Variants in ZNF804B observed in about 807,000 individuals in gnomAD.
ZNF804B encodes zinc finger protein 804B.
ZNF804B carries 80 observed loss-of-function variants against 101.4 expected under a neutral mutation model. The observed-to-expected ratio is 0.79, with a 90% CI of 0.66 to 0.95. The LOEUF (loss-of-function observed/expected upper bound fraction) is 0.95. ZNF804B is among the 40% of genes least tolerant of loss of function. The pLI, the probability that ZNF804B is intolerant of heterozygous loss-of-function variation, is 0.00. For missense variants in ZNF804B, 1,673 were observed against 1,561.9 expected (o/e 1.07, Z -1.20); for synonymous variants, 622 against 558.8 (o/e 1.11, Z -1.59).
intron 1 of ZNF804B, among the ~76,000 whole-genome samples, chr7:88,792,293 G>T (rs968283656): frequency 6.6e-6 from 1 of 152,016 alleles, no homozygotes; most frequent in African/African-American, 2.4e-5. Flanking sequence ...TGGATATATT[G>T]CAGTAACCAT....
intron 1 of ZNF804B, among the ~76,000 whole-genome samples, chr7:88,980,546 T>C (rs1358497461): frequency 1.3e-5 from 2 of 152,146 alleles, no homozygotes; most frequent in Non-Finnish European, 2.9e-5. Context: ...AGACCAGTCA[T>C]GTTGTGACTC....
At chr7:88,846,110 A>T (rs928937449) in intron 1 of ZNF804B, among the ~76,000 whole-genome samples, 1 of 152,178 alleles carries the variant, frequency 6.6e-6, no homozygotes, top group Non-Finnish European at 1.5e-5. Flanking sequence ...TTGAAAATTT[A>T]ATTTATTTAC....
intron 1 of ZNF804B, among the ~76,000 whole-genome samples, chr7:88,858,012 A>G (rs1227765457): frequency 2.0e-5 from 3 of 151,518 alleles, no homozygotes; most frequent in Admixed American, 2.0e-4. Context: ...TAGTAGAGAC[A>G]GGGTTTTGCC....
intron 1 of ZNF804B, among the ~76,000 whole-genome samples, chr7:89,160,712 ATCT>A (rs966698943): frequency 5.3e-5 from 8 of 152,140 alleles, no homozygotes; most frequent in African/African-American, 1.9e-4. Flanking sequence ...GGTTGTTATT[ATCT>A]TCTTTATTAT....
In ZNF804B at chr7:89,285,050, T is replaced by A. The variant is rs6965769; in HGVS notation, c.250-42294T>A. On this transcript the variant is annotated intron_variant, in intron 2 of 3. Transcript: ENST00000333190. ...CCTGTCTCCACTAAATAAAAAAATTTAAATTTAAATTTAAAAAAAATAGCC... is the reference window on the plus strand; with the variant it reads ...CCTGTCTCCACTAAATAAAAAAATTAAAATTTAAATTTAAAAAAAATAGCC... Among the ~76,000 whole-genome samples, 309 of 151,816 alleles carry A rather than the reference T, an allele frequency of 2.0e-3. 1 individual carries two copies. Among genetic ancestry groups the A allele is most frequent in the Non-Finnish European group, 4.0e-3 (269 of 67,926 alleles).
chr7:89,327,315 T>G (rs768190107), intron 2 of ZNF804B, 29 bp from the exon 3 acceptor site: 4 of 1,563,818 alleles, frequency 2.6e-6, no homozygotes, highest in Admixed American at 2.1e-5. Flanking sequence ...TTATTTATAG[T>G]ACCTTTTTGG....
intron 2 of ZNF804B, among the ~76,000 whole-genome samples, chr7:89,311,963 A>G (rs1790654925): frequency 6.6e-6 from 1 of 152,160 alleles, no homozygotes; most frequent in Admixed American, 6.6e-5. Context: ...CTTGGCCACA[A>G]TAGCTAAAAG....
chr7:88,895,090 T>C (rs2115938806), intron 1 of ZNF804B, among the ~76,000 whole-genome samples: 1 of 152,368 alleles, frequency 6.6e-6, no homozygotes, highest in Admixed American at 6.5e-5. Context: ...TTTTTTATTT[T>C]GTTTTGCTTT....
chr7:89,169,771 A>G (rs888037381), intron 1 of ZNF804B, among the ~76,000 whole-genome samples: 1 of 152,240 alleles, frequency 6.6e-6, no homozygotes, highest in Admixed American at 6.5e-5. Flanking sequence ...AGAAGTAACA[A>G]GTATAACTGC....
chr7:89,277,085 T>G (rs1283966825), intron 2 of ZNF804B, among the ~76,000 whole-genome samples: 1 of 149,346 alleles, frequency 6.7e-6, no homozygotes, highest in Non-Finnish European at 1.5e-5. Flanking sequence ...CATTTTCAGT[T>G]TATTATGTAT....
intron 1 of ZNF804B, among the ~76,000 whole-genome samples, chr7:88,854,852 G>T (rs1431623514): frequency 6.7e-6 from 1 of 149,058 alleles, no homozygotes; most frequent in African/African-American, 2.5e-5. Flanking sequence ...AGAACACGTG[G>T]TGTTTGGTTT....
At chr7:89,028,156 A>G (rs546900426) in intron 1 of ZNF804B, among the ~76,000 whole-genome samples, 26 of 152,298 alleles carry the variant, frequency 1.7e-4, no homozygotes, top group African/African-American at 6.3e-4. Context: ...TATTTTTAAA[A>G]TGTCAATATA....
chr7:89,246,715 G>C (rs1789453099), intron 2 of ZNF804B, among the ~76,000 whole-genome samples: 2 of 152,116 alleles, frequency 1.3e-5, no homozygotes. Context: ...CAGACATTCT[G>C]AGCAACCACT....
intron 1 of ZNF804B, chr7:88,794,272 A>G (rs1790435364): frequency 1.2e-6 from 2 of 1,613,710 alleles, no homozygotes; most frequent in African/African-American, 1.3e-5. Flanking sequence ...TGCCGGGTCC[A>G]TGAATTCTTC....
intron 2 of ZNF804B, among the ~76,000 whole-genome samples, chr7:89,313,537 T>C (rs1220377292): frequency 6.6e-6 from 1 of 152,216 alleles, no homozygotes; most frequent in Non-Finnish European, 1.5e-5. Context: ...TCCTAACACA[T>C]AGAGACTTAC....
chr7:88,900,269 G>T (rs1013129105), intron 1 of ZNF804B, among the ~76,000 whole-genome samples: 7 of 151,760 alleles, frequency 4.6e-5, no homozygotes, highest in African/African-American at 1.7e-4. Flanking sequence ...TTGATTCTAG[G>T]ATTTTTAAAA....
rs1790876521 is a variant in ZNF804B at position 89,151,554 on chromosome 7, C to T, written c.109-66601C>T. On this transcript the variant is annotated intron_variant, in intron 1 of 3. Transcript: ENST00000333190. ...CCATGGATGTTGTCCATGATTATTG[C>T]CATTAAATTTCATCATTCATTATGT... is the stretch of plus-strand genomic sequence containing the variant. Among the ~76,000 whole-genome samples the T allele has an allele frequency of 2.0e-5, 3 of 151,894 alleles. No homozygotes were observed. In the South Asian group the frequency reaches 6.2e-4, roughly 32 times the overall value.
intron 1 of ZNF804B, among the ~76,000 whole-genome samples, chr7:88,801,610 CTACTCTTTGACTAAGT>C (rs1163007176): frequency 6.6e-6 from 1 of 152,028 alleles, no homozygotes; most frequent in Non-Finnish European, 1.5e-5. Flanking sequence ...GCTTAAAAAT[CTACTCTTTGACTAAGT>C]AATGCCTCTT....
rs138081103 is a variant in ZNF804B at position 89,283,423 on chromosome 7, C to A, written c.250-43921C>A. On this transcript the variant is annotated intron_variant, in intron 2 of 3. Coordinates refer to ENST00000333190, the MANE Select transcript of ZNF804B (RefSeq NM_181646.5). ...TATAAATGTGTATGTGTATTAGAGC[C>A]CATTAACACTATATCTTGCTTTGTG... 2.7e-3 allele frequency among the ~76,000 whole-genome samples: 406 copies of A among 152,152 alleles called. 2 individuals are homozygous for A. Among genetic ancestry groups the A allele is most frequent in the African/African-American group, 9.2e-3 (381 of 41,520 alleles).
Sources: gnomAD v4.1 joint callset for allele counts (sites outside exome capture counted in the v4.1 genomes callset) on GRCh38, gnomAD v4.1.1 for gene constraint, MANE v1.5 for transcripts, NCBI Gene and HGNC (gene_info 2026-07-23, HGNC 2026-07-21) for gene names.